The following NFIB variants were observed in gnomAD, a reference collection of about 807,000 sequenced individuals.
NFIB encodes nuclear factor 1 B-type.
In NFIB, 11 loss-of-function variants were observed where a neutral mutation model predicts 61.5. That is an observed-to-expected ratio of 0.18 (90% CI 0.11 to 0.30). The LOEUF (loss-of-function observed/expected upper bound fraction) is 0.30. Ranked by LOEUF, NFIB falls within the 10% of genes least tolerant of loss-of-function variation. NFIB has a pLI of 1.00. For missense variants in NFIB, 471 were observed against 608.9 expected (o/e 0.77, Z 2.38); for synonymous variants, 260 against 216.5 (o/e 1.20, Z -1.76).
the NFIB span, among the ~76,000 whole-genome samples, chr9:14,421,934 T>G: frequency 6.6e-6 from 1 of 152,204 alleles, no homozygotes; most frequent in Non-Finnish European, 1.5e-5. Context: ...TTTTTTTTCC[T>G]TGAGGGCTAT....
chr9:14,126,204 T>C (rs1180932694), intron 6 of NFIB, among the ~76,000 whole-genome samples: 1 of 152,170 alleles, frequency 6.6e-6, no homozygotes, highest in Non-Finnish European at 1.5e-5. Flanking sequence ...TTTCACAGCT[T>C]TTATGGAAAA....
chr9:14,451,783 T>C, the NFIB span, among the ~76,000 whole-genome samples: 1 of 152,214 alleles, frequency 6.6e-6, no homozygotes. Context: ...AGCTTGAGTT[T>C]CCCACTGTGG....
chr9:14,424,532 A>G, the NFIB span, among the ~76,000 whole-genome samples: 1 of 152,162 alleles, frequency 6.6e-6, no homozygotes, highest in Non-Finnish European at 1.5e-5. Flanking sequence ...GACCTGCAGA[A>G]CGACATTCCT....
At chr9:14,151,749 C>T (rs2042896551) in intron 4 of NFIB, among the ~76,000 whole-genome samples, 1 of 152,030 alleles carries the variant, frequency 6.6e-6, no homozygotes, top group African/African-American at 2.4e-5. Context: ...CAAAGAACTC[C>T]TTAAGAATAG....
chr9:14,310,609 A>G (rs1310602962), intron 1 of NFIB, among the ~76,000 whole-genome samples: 1 of 152,202 alleles, frequency 6.6e-6, no homozygotes, highest in African/African-American at 2.4e-5. Flanking sequence ...GATTATTACA[A>G]TAGCATTAAG....
At chr9:14,126,258 C>T (rs1785700526) in intron 6 of NFIB, among the ~76,000 whole-genome samples, 1 of 152,200 alleles carries the variant, frequency 6.6e-6, no homozygotes, top group South Asian at 2.1e-4. Context: ...TAATTTACTC[C>T]TTCTGCAAAC....
the NFIB span, among the ~76,000 whole-genome samples, chr9:14,417,684 A>C: frequency 6.6e-6 from 1 of 152,142 alleles, no homozygotes; most frequent in East Asian, 1.9e-4. Context: ...CCTCTGTCAA[A>C]ATCATCTGGG....
intron 1 of NFIB, among the ~76,000 whole-genome samples, chr9:14,355,107 A>G (rs2061159495): frequency 6.6e-6 from 1 of 152,134 alleles, no homozygotes; most frequent in Admixed American, 6.5e-5. Flanking sequence ...CCCCTCCCCA[A>G]AGGGAAAAGC....
At chr9:14,531,395 T>C in the NFIB span, among the ~76,000 whole-genome samples, 4 of 152,172 alleles carry the variant, frequency 2.6e-5, no homozygotes, top group East Asian at 5.8e-4. Context: ...CTGAGTGGCA[T>C]AGTAATCAGT....
intron 1 of NFIB, among the ~76,000 whole-genome samples, chr9:14,383,083 C>CA (rs75684914): frequency 0.48 from 72,149 of 151,888 alleles, 17,822 homozygotes; most frequent in East Asian, 0.59. Flanking sequence ...AGGAATATGA[C>CA]AAAAAATTGA....
the NFIB span, among the ~76,000 whole-genome samples, chr9:14,415,793 G>A: frequency 6.6e-6 from 1 of 152,164 alleles, no homozygotes; most frequent in African/African-American, 2.4e-5. Flanking sequence ...CCACCAAGAT[G>A]GCTTTGGGGA....
At chr9:14,124,852 C>G (rs2039423782) in intron 7 of NFIB, among the ~76,000 whole-genome samples, 1 of 152,048 alleles carries the variant, frequency 6.6e-6, no homozygotes, top group Non-Finnish European at 1.5e-5. Context: ...GCATATAAAA[C>G]AAGTGTCAAA....
the NFIB span, among the ~76,000 whole-genome samples, chr9:14,416,539 A>G: frequency 1.3e-5 from 2 of 152,072 alleles, no homozygotes; most frequent in South Asian, 4.1e-4. Context: ...AGAAAAAATT[A>G]AAATACAAGA....
the NFIB span, among the ~76,000 whole-genome samples, chr9:14,510,635 T>C: frequency 2.6e-5 from 4 of 151,152 alleles, no homozygotes; most frequent in Non-Finnish European, 4.4e-5. Context: ...CATTTAAAAG[T>C]ATTTTTTATT....
intron 6 of NFIB, among the ~76,000 whole-genome samples, chr9:14,135,004 T>C (rs1302125408): frequency 6.6e-6 from 1 of 151,844 alleles, no homozygotes; most frequent in Admixed American, 6.6e-5. Flanking sequence ...TAAGCTCAAT[T>C]TACTGCAAAA....
At chr9:14,096,731 C>A (rs982128230) in intron 10 of NFIB, 1 of 152,212 alleles carries the variant, frequency 6.6e-6, no homozygotes, top group Non-Finnish European at 1.5e-5. Flanking sequence ...GCCTTCTTCA[C>A]GCTTCGGCTC....
At chr9:14,297,265 C>T (rs1588197514) in intron 2 of NFIB, among the ~76,000 whole-genome samples, 2 of 152,220 alleles carry the variant, frequency 1.3e-5, no homozygotes, top group East Asian at 3.8e-4. Context: ...TCCACATTGG[C>T]GCTGCCCCTG....
chr9:14,298,780 A>G (rs1191587767), intron 2 of NFIB, among the ~76,000 whole-genome samples: 3 of 152,254 alleles, frequency 2.0e-5, no homozygotes, highest in African/African-American at 7.2e-5. Flanking sequence ...TCCATGACCC[A>G]AACAAGTCAA....
At chr9:14,529,113 CTTGT>C in the NFIB span, among the ~76,000 whole-genome samples, 1 of 152,114 alleles carries the variant, frequency 6.6e-6, no homozygotes, top group Admixed American at 6.6e-5. Context: ...TCTTCGTGTA[CTTGT>C]TTATTTTTAG....
Sources: allele counts gnomAD v4.1 joint callset (sites outside exome capture counted in the v4.1 genomes callset), GRCh38; gene constraint gnomAD v4.1.1; transcripts MANE v1.5; gene names NCBI Gene and HGNC (gene_info 2026-07-23, HGNC 2026-07-21).